The following FER1L6 variants were observed in gnomAD, a reference collection of about 807,000 sequenced individuals.
The protein encoded by FER1L6 is fer-1 like family member 6.
Under a neutral mutation model 219.2 loss-of-function variants are expected in FER1L6, and 177 were observed. That is an observed-to-expected ratio of 0.81 (90% CI 0.71 to 0.91). The LOEUF (loss-of-function observed/expected upper bound fraction) is 0.91. Among genes scored for constraint, FER1L6 ranks in the 40% least tolerant of loss-of-function variants. The pLI, the probability that FER1L6 is intolerant of heterozygous loss-of-function variation, is 0.00. For synonymous variants in FER1L6, 768 were observed against 824.3 expected (o/e 0.93, Z 1.17); for missense variants, 2,153 against 2,259.9 (o/e 0.95, Z 0.96).
At chr8:123,920,694 TA>T (rs1048458087) in intron 1 of FER1L6, among the ~76,000 whole-genome samples, 1 of 152,194 alleles carries the variant, frequency 6.6e-6, no homozygotes, top group Non-Finnish European at 1.5e-5. Context: ...TTTTTAACTG[TA>T]AAAAACCATA....
chr8:124,031,077 AG>A (rs982783459), intron 18 of FER1L6, among the ~76,000 whole-genome samples: 1 of 151,858 alleles, frequency 6.6e-6, no homozygotes, highest in Non-Finnish European at 1.5e-5. Context: ...CTATTCTCAG[AG>A]GGAAATACCT....
intron 13 of FER1L6, 109 bp from the exon 14 acceptor site, chr8:124,010,485 A>C (rs1563741405): frequency 7.5e-7 from 1 of 1,339,958 alleles, no homozygotes; most frequent in East Asian, 2.4e-5. Flanking sequence ...TAGTTTTTTC[A>C]TCATGCCTCC....
chr8:123,967,937 C>T lies in FER1L6; in HGVS notation c.384+1647C>T, dbSNP rs527839974. On this transcript the variant is annotated intron_variant, in intron 5 of 40. Transcript: ENST00000522917. Reference sequence around the variant, plus strand: ...CGCAACTGCACTCCAGCCTGGGCAACAAAGCAAGACGTTGTCTCAGGAAAA... The same window carrying T: ...CGCAACTGCACTCCAGCCTGGGCAATAAAGCAAGACGTTGTCTCAGGAAAA... Among the ~76,000 whole-genome samples, 31 of 148,540 alleles carry T rather than the reference C, an allele frequency of 2.1e-4. 1 individual carries two copies. Among genetic ancestry groups the T allele is most frequent in the Admixed American group, 4.0e-4 (6 of 14,900 alleles).
At chr8:124,000,817 C>T (rs1270940523) in intron 12 of FER1L6, among the ~76,000 whole-genome samples, 1 of 152,130 alleles carries the variant, frequency 6.6e-6, no homozygotes, top group Non-Finnish European at 1.5e-5. Context: ...GAAATACATC[C>T]CTTTTAAGCC....
intron 6 of FER1L6, among the ~76,000 whole-genome samples, chr8:123,972,428 A>G (rs1260754338): frequency 6.6e-6 from 1 of 152,212 alleles, no homozygotes; most frequent in Non-Finnish European, 1.5e-5. Context: ...TGACTTAAGG[A>G]ACTTACAGGA....
At chr8:123,958,381 G>A (rs143779812) in intron 2 of FER1L6, among the ~76,000 whole-genome samples, 70 of 152,282 alleles carry the variant, frequency 4.6e-4, no homozygotes, top group African/African-American at 1.5e-3. Flanking sequence ...AGCAGGAGGC[G>A]TGGGAGGGAG....
chr8:123,939,437 T>C (rs1814140030), intron 1 of FER1L6, among the ~76,000 whole-genome samples: 2 of 152,114 alleles, frequency 1.3e-5, no homozygotes, highest in Non-Finnish European at 2.9e-5. Context: ...GGTTCCAAGA[T>C]GACATTACTG....
Position 123,901,722 on chromosome 8 carries a change from A to AT in FER1L6, c.-8+49551dup, listed in dbSNP as rs139027665. 2.6e-3 allele frequency among the ~76,000 whole-genome samples: 377 copies of AT among 144,088 alleles called. 3 individuals carry two copies. Among genetic ancestry groups the AT allele is most frequent in the African/African-American group, 6.3e-3 (248 of 39,320 alleles). 94.5% of individuals were successfully genotyped at this position (144,088 alleles called of 152,430 possible). On this transcript the variant is annotated intron_variant, in intron 1 of 40. Coordinates refer to ENST00000522917, the MANE Select transcript of FER1L6 (RefSeq NM_001039112.2). ...GTGTTGTTGTCATTCAGTTTGAAGA[A>AT]TTTTTTTTTTTTTTGAGATGGAGCC...
chr8:123,943,525 C>T (rs1047732351), intron 1 of FER1L6, among the ~76,000 whole-genome samples: 2 of 152,158 alleles, frequency 1.3e-5, no homozygotes, highest in Admixed American at 1.3e-4. Flanking sequence ...AGGTAGCCTG[C>T]TGTGCTCCAC....
intron 36 of FER1L6, 68 bp from the exon 37 acceptor site, chr8:124,097,717 A>G: frequency 2.3e-6 from 2 of 876,686 alleles, no homozygotes; most frequent in Non-Finnish European, 3.9e-6. Context: ...GCAATGCTAG[A>G]ACCACACAGA....
intron 1 of FER1L6, among the ~76,000 whole-genome samples, chr8:123,868,391 G>A (rs1816872261): frequency 6.6e-6 from 1 of 152,154 alleles, no homozygotes; most frequent in South Asian, 2.1e-4. Flanking sequence ...CATTTCTAGG[G>A]CAATGACTCA....
chr8:123,897,852 C>T (rs920546952), intron 1 of FER1L6, among the ~76,000 whole-genome samples: 2 of 152,126 alleles, frequency 1.3e-5, no homozygotes, highest in African/African-American at 4.8e-5. Context: ...GTAAAAGCAT[C>T]AGAAAATCAA....
intron 12 of FER1L6, among the ~76,000 whole-genome samples, chr8:123,998,532 C>T (rs79152358): frequency 0.019 from 2,872 of 152,042 alleles, 92 homozygotes; most frequent in East Asian, 0.11. Flanking sequence ...CCCTGGGTCT[C>T]GCCTAAGGCC....
chr8:124,097,776 C>T lies in FER1L6; in HGVS notation c.4785-9C>T. 1 of 1,479,960 alleles carries T rather than the reference C, an allele frequency of 6.8e-7. No individual in the cohort carries two copies. Among genetic ancestry groups the T allele is most frequent in the South Asian group, 1.1e-5 (1 of 88,306 alleles). The allele number at this position is 1,479,960 out of a possible 1,614,324, so 91.7% of individuals were successfully genotyped here. A position where few individuals can be genotyped will look rare whatever the true frequency, so the allele number is the denominator to read the frequency against. ...GTCATCGACCTAATGCTTCCTTCTC[C>T]CATCCCAGATACGAATTGAGAGTGA... On this transcript the variant is annotated splice_polypyrimidine_tract_variant and intron_variant, in intron 36 of 40. Coordinates refer to ENST00000522917, the MANE Select transcript of FER1L6 (RefSeq NM_001039112.2).
chr8:123,974,190 G>T lies in FER1L6; in HGVS notation c.526+678G>T, dbSNP rs28721995. ...CAGGGATTCCAACTCCTGTGACTGT[G>T]GGGGCCAGACAGGGAGCATAGCTGC... On this transcript the variant is annotated intron_variant, in intron 7 of 40. Transcript: ENST00000522917. Among the ~76,000 whole-genome samples the T allele has an allele frequency of 2.6e-3, 396 of 152,326 alleles. 1 individual carries two copies. The highest frequency in any genetic ancestry group is 9.1e-3 in the African/African-American group (378 of 41,562).
chr8:123,888,319 G>A (rs1817242206), intron 1 of FER1L6, among the ~76,000 whole-genome samples: 1 of 152,008 alleles, frequency 6.6e-6, no homozygotes, highest in Admixed American at 6.6e-5. Context: ...GCTTCACTGT[G>A]TTGCCCAGGC....
rs1418890257 is a variant in FER1L6, at chr8:124,045,811, G to A, written c.2634G>A (p.Leu878=). The A allele has an allele frequency of 6.2e-7, 1 of 1,613,994 alleles. No individual in the cohort carries two copies. The highest frequency in any genetic ancestry group is 1.3e-5 in the African/African-American group (1 of 74,924). Residue 878 remains leucine, a synonymous_variant, in exon 21 of 41, where the codon CTG becomes CTA. Transcript: ENST00000522917. ...TLSPTWNQML[L]FNDLVLHGDV... ...CTCCGACCTGGAACCAGATGCTGCT[G>A]TTCAATGATTTGGTGCTGCATGGAG...
At chr8:123,859,182 G>A (rs1816701560) in intron 1 of FER1L6, among the ~76,000 whole-genome samples, 1 of 151,970 alleles carries the variant, frequency 6.6e-6, no homozygotes, top group African/African-American at 2.4e-5. Flanking sequence ...TTATTTTTTG[G>A]TAGACATGGG....
chr8:124,042,815 T>C (rs528961365), intron 20 of FER1L6, among the ~76,000 whole-genome samples: 1 of 152,326 alleles, frequency 6.6e-6, no homozygotes, highest in Admixed American at 6.5e-5. Flanking sequence ...ATAAAGTGAC[T>C]TAATGGAATG....
Sources: gnomAD v4.1 joint callset for allele counts (sites outside exome capture counted in the v4.1 genomes callset) on GRCh38, gnomAD v4.1.1 for gene constraint, MANE v1.5 for transcripts, NCBI Gene and HGNC (gene_info 2026-07-23, HGNC 2026-07-21) for gene names.